Variants in NNMT observed in about 807,000 individuals in gnomAD.
NNMT encodes nicotinamide N-methyltransferase.
In NNMT, 10 loss-of-function variants were observed where a neutral mutation model predicts 11.7. The observed-to-expected ratio is 0.85, with a 90% CI of 0.53 to 1.45. NNMT has a LOEUF of 1.45. Among genes scored for constraint, NNMT ranks in the 40% most tolerant of loss-of-function variants. NNMT has a pLI of 0.00. For missense variants in NNMT, 381 were observed against 319.4 expected, an observed-to-expected ratio of 1.19 and a Z score of -1.47; for synonymous variants, 143 against 133.8, an observed-to-expected ratio of 1.07 and a Z score of -0.48.
chr11:114,271,062 C>T (rs1945165824), intron 2 of NNMT, among the ~76,000 whole-genome samples: 1 of 152,144 alleles, frequency 6.6e-6, no homozygotes, highest in Non-Finnish European at 1.5e-5. Flanking sequence ...CAGGCATGAA[C>T]CACCATGCTC....
chr11:114,288,513 G>C (rs1945314152), intron 2 of NNMT, among the ~76,000 whole-genome samples: 2 of 151,006 alleles, frequency 1.3e-5, no homozygotes, highest in African/African-American at 4.9e-5. Context: ...GTGATGATTT[G>C]TATTAATTGA....
intron 2 of NNMT, among the ~76,000 whole-genome samples, chr11:114,278,493 C>T (rs1945232382): frequency 6.6e-6 from 1 of 152,100 alleles, no homozygotes; most frequent in African/African-American, 2.4e-5. Flanking sequence ...GTGGCACTGT[C>T]CCTAGAAGGC....
At chr11:114,311,816 G>A (rs1945551448) in intron 2 of NNMT, among the ~76,000 whole-genome samples, 3 of 152,154 alleles carry the variant, frequency 2.0e-5, no homozygotes, top group South Asian at 2.1e-4. Context: ...TATTATTATC[G>A]TTTTCACATA....
chr11:114,302,103 A>C (rs1241224442), intron 2 of NNMT, among the ~76,000 whole-genome samples: 1 of 152,060 alleles, frequency 6.6e-6, no homozygotes, highest in Non-Finnish European at 1.5e-5. Flanking sequence ...ATCCAGACTG[A>C]CAATTTCTGC....
rs75674085 is a variant in NNMT, at chr11:114,268,307, C to A, written c.-130+5373C>A. ...GTACCTTTTGTTTTAGTCCTTTTTC[C>A]AGCCTCTCCCAGCTAGGCAGAACAT... On this transcript the variant is annotated intron_variant, in intron 2 of 4. Coordinates refer to the NNMT transcript ENST00000535401. Among the ~76,000 whole-genome samples the A allele has an allele frequency of 5.1e-3, 778 of 152,226 alleles. 9 individuals carry two copies. Among genetic ancestry groups the A allele is most frequent in the African/African-American group, 0.018 (757 of 41,532 alleles).
At chr11:114,309,129 G>A (rs755107879) in intron 2 of NNMT, among the ~76,000 whole-genome samples, 4 of 152,174 alleles carry the variant, frequency 2.6e-5, no homozygotes, top group Non-Finnish European at 4.4e-5. Flanking sequence ...ACACTATGTT[G>A]TCACTACTCT....
intron 2 of NNMT, among the ~76,000 whole-genome samples, chr11:114,283,377 G>C (rs1945275826): frequency 6.6e-6 from 1 of 152,182 alleles, no homozygotes. Flanking sequence ...GGGCTTTAAT[G>C]CATAGTGAAA....
chr11:114,269,496 A>T (rs78731774), intron 2 of NNMT: 1 of 152,230 alleles, frequency 6.6e-6, no homozygotes, highest in East Asian at 1.9e-4. Context: ...GCACCTCCCT[A>T]TTCATTATTT....
chr11:114,309,569 T>G (rs920685524), intron 2 of NNMT, among the ~76,000 whole-genome samples: 1 of 128,298 alleles, frequency 7.8e-6, no homozygotes, highest in Non-Finnish European at 1.7e-5. Flanking sequence ...ATCAACACCT[T>G]GCTAAGCTCA....
intron 2 of NNMT, among the ~76,000 whole-genome samples, chr11:114,306,859 C>G (rs1945497057): frequency 6.6e-6 from 1 of 152,284 alleles, no homozygotes; most frequent in South Asian, 2.1e-4. Flanking sequence ...GAGGTAAATG[C>G]TCTCTGTGCA....
intron 1 of NNMT, among the ~76,000 whole-genome samples, chr11:114,262,376 C>T (rs949579672): frequency 6.6e-6 from 1 of 152,094 alleles, no homozygotes; most frequent in African/African-American, 2.4e-5. Flanking sequence ...CCAACACAGG[C>T]CCCGGTGTGT....
Position 114,297,995 on chromosome 11 carries a change from A to G in NNMT, c.199A>G (p.Thr67Ala), listed in dbSNP as rs200017623. 21 of 1,613,622 alleles carry G rather than the reference A, an allele frequency of 1.3e-5. No homozygotes were observed. In the East Asian group the frequency reaches 4.7e-4, roughly 36 times the overall value. The change falls in exon 2 of 3, where the codon ACT (threonine) becomes GCT (alanine). Residue 67 changes from threonine (T) to alanine (A), a missense_variant. Physicochemically the swap from Thr to Ala is moderately conservative, Grantham distance 58. Transcript: ENST00000299964. ...GCTGATTGACATCGGCTCTGGCCCC[A>G]CTATCTATCAGCTCCTCTCTGCTTG... ...DLLIDIGSGP[T>A]IYQLLSACES...
At chr11:114,285,892 G>A (rs1945295148) in intron 2 of NNMT, among the ~76,000 whole-genome samples, 1 of 152,216 alleles carries the variant, frequency 6.6e-6, no homozygotes, top group African/African-American at 2.4e-5. Flanking sequence ...TGTCAAATGA[G>A]AGATCACTGC....
chr11:114,310,065 T>A (rs983509694), intron 2 of NNMT, among the ~76,000 whole-genome samples: 1 of 152,258 alleles, frequency 6.6e-6, no homozygotes, highest in Non-Finnish European at 1.5e-5. Context: ...TAGCTGTTTA[T>A]AAACATTCAT....
At chr11:114,279,819 T>C (rs1020187893) in intron 2 of NNMT, among the ~76,000 whole-genome samples, 4 of 152,168 alleles carry the variant, frequency 2.6e-5, no homozygotes, top group Non-Finnish European at 5.9e-5. Context: ...CAGCAGTTTA[T>C]AGGAGGTGAG....
At chr11:114,267,671 C>G (rs1388753307) in intron 2 of NNMT, among the ~76,000 whole-genome samples, 1 of 152,186 alleles carries the variant, frequency 6.6e-6, no homozygotes, top group Non-Finnish European at 1.5e-5. Flanking sequence ...ATTCTTCTGT[C>G]TTTTGTTCCT....
intron 2 of NNMT, among the ~76,000 whole-genome samples, chr11:114,283,355 C>T (rs999576043): frequency 4.6e-5 from 7 of 152,074 alleles, no homozygotes; most frequent in South Asian, 2.1e-4. Context: ...CACATACACA[C>T]GTAATGTGAT....
At chr11:114,259,997 G>T (rs1171095087) in intron 1 of NNMT, among the ~76,000 whole-genome samples, 1 of 152,110 alleles carries the variant, frequency 6.6e-6, no homozygotes, top group Non-Finnish European at 1.5e-5. Flanking sequence ...AGAAATCACT[G>T]ACTTCATCCA....
intron 2 of NNMT, among the ~76,000 whole-genome samples, chr11:114,269,750 T>C (rs1029197094): frequency 6.6e-6 from 1 of 152,222 alleles, no homozygotes; most frequent in Non-Finnish European, 1.5e-5. Flanking sequence ...ACTCCATCAC[T>C]GCATTCTGGC....
Sources: gnomAD v4.1 joint callset for allele counts (sites outside exome capture counted in the v4.1 genomes callset) on GRCh38, gnomAD v4.1.1 for gene constraint, MANE v1.5 for transcripts, NCBI Gene and HGNC (gene_info 2026-07-23, HGNC 2026-07-21) for gene names.